MALL: variants seen among roughly 807,000 people sequenced by gnomAD.
MALL encodes mal, T cell differentiation protein like.
Under a neutral mutation model 10.3 loss-of-function variants are expected in MALL, and 2 were observed. The ratio of observed to expected loss-of-function variants is 0.19; its 90% CI spans 0.08 to 0.61. The LOEUF (loss-of-function observed/expected upper bound fraction) is 0.61. Ranked by LOEUF, MALL falls within the 20% of genes least tolerant of loss-of-function variation. The pLI, the probability that MALL is intolerant of heterozygous loss-of-function variation, is 0.88. For synonymous variants in MALL, 27 were observed against 51.8 expected, an observed-to-expected ratio of 0.52 and a Z score of 2.05; for missense variants, 39 against 115.2, an observed-to-expected ratio of 0.34 and a Z score of 3.03.
intron 1 of MALL, among the ~76,000 whole-genome samples, chr2:110,110,431 C>CT (rs1480833071): frequency 6.6e-6 from 1 of 152,036 alleles, no homozygotes; most frequent in Admixed American, 6.5e-5. Context: ...TTCAAGGCTG[C>CT]TAGGAACACC....
chr2:110,095,768 T>C (rs1045359336), intron 1 of MALL, among the ~76,000 whole-genome samples: 1 of 151,918 alleles, frequency 6.6e-6, no homozygotes, highest in African/African-American at 2.4e-5. Context: ...AAGAAAGGGC[T>C]GATACCAGGT....
At position 110,111,672 on chromosome 2, in the gene MALL, A is replaced by G. The variant is rs188913423; in HGVS notation, c.105+4016T>C. Among the ~76,000 whole-genome samples the G allele has an allele frequency of 3.9e-5, 6 of 152,284 alleles. No individual in the cohort carries two copies. In the East Asian group the frequency reaches 1.2e-3, roughly 29 times the overall value. On this transcript the variant is annotated intron_variant, in intron 1 of 3. Transcript: ENST00000272462. ...AACCATATTGCCAAAAGCAATCTAC[A>G]AATTCAATGCAATCCCCATCAGAAT...
intron 1 of MALL, among the ~76,000 whole-genome samples, chr2:110,114,493 C>T (rs778234303): frequency 6.6e-6 from 1 of 151,852 alleles, no homozygotes; most frequent in Non-Finnish European, 1.5e-5. Flanking sequence ...ACGTAGGACT[C>T]ATCAGAGCAC....
chr2:110,109,506 A>G (rs1678757764), intron 1 of MALL, among the ~76,000 whole-genome samples: 1 of 152,176 alleles, frequency 6.6e-6, no homozygotes, highest in African/African-American at 2.4e-5. Flanking sequence ...AAATTTCACA[A>G]TCCTAAACAT....
chr2:110,101,133 C>G (rs990071298), intron 1 of MALL, among the ~76,000 whole-genome samples: 2 of 152,122 alleles, frequency 1.3e-5, no homozygotes, highest in African/African-American at 4.8e-5. Flanking sequence ...GTCACTGGCC[C>G]TGCAGCCTCA....
rs573081751 is a variant in MALL at position 110,113,429 on chromosome 2, C to T, written c.105+2259G>A. Among the ~76,000 whole-genome samples, 37 of 110,214 alleles carry T rather than the reference C, an allele frequency of 3.4e-4. 1 individual carries two copies. The highest frequency in any genetic ancestry group is 1.2e-3 in the African/African-American group (33 of 27,570). 72.3% of individuals were successfully genotyped at this position (110,214 alleles called of 152,430 possible). On this transcript the variant is annotated intron_variant, in intron 1 of 3. Transcript: ENST00000272462. Reference sequence around the variant, plus strand: ...CTCCAGCCTGGACGACAGCGAGACTCTGTCTCAAAAAAAAAAAAAAAAAAA... The same window carrying T: ...CTCCAGCCTGGACGACAGCGAGACTTTGTCTCAAAAAAAAAAAAAAAAAAA...
chr2:110,104,412 G>A (rs1191210185), intron 1 of MALL, among the ~76,000 whole-genome samples: 1 of 152,066 alleles, frequency 6.6e-6, no homozygotes, highest in African/African-American at 2.4e-5. Flanking sequence ...GTTCTCCACC[G>A]CCCTCATTAC....
intron 1 of MALL, among the ~76,000 whole-genome samples, chr2:110,097,319 A>G (rs1678466695): frequency 6.6e-6 from 1 of 152,134 alleles, no homozygotes; most frequent in Non-Finnish European, 1.5e-5. Flanking sequence ...GGGGAAGCAG[A>G]ACCTCTTGGC....
chr2:110,112,448 G>C (rs865931884), intron 1 of MALL, among the ~76,000 whole-genome samples: 1 of 151,978 alleles, frequency 6.6e-6, no homozygotes, highest in Non-Finnish European at 1.5e-5. Flanking sequence ...ATTCTCAAAA[G>C]AAGATATACA....
Position 110,115,706 on chromosome 2 carries a change from G to A in MALL, c.87C>T (p.Ala29=). The part of the protein sequence containing the change: ...GVALFLTIPF[A]FFLPELIFGF... ...CACTCACCAGCTCGGGCAGGAAGAA[G>A]GCGAAAGGGATGGTGAGGAACAGCG... Residue 29 remains alanine, a synonymous_variant, in exon 1 of 4, where the codon GCC becomes GCT. Coordinates refer to ENST00000272462, the MANE Select transcript of MALL (RefSeq NM_005434.5). 2.3e-6 allele frequency: 3 copies of A among 1,289,730 alleles called. No individual in the cohort carries two copies. Among genetic ancestry groups the A allele is most frequent in the East Asian group, 2.9e-5 (1 of 34,088 alleles). The allele number at this position is 1,289,730 out of a possible 1,614,324, so 79.9% of individuals were successfully genotyped here. A position where few individuals can be genotyped will look rare whatever the true frequency, so the allele number is the denominator to read the frequency against.
chr2:110,098,811 T>G (rs1678500149), intron 1 of MALL, among the ~76,000 whole-genome samples: 1 of 152,040 alleles, frequency 6.6e-6, no homozygotes, highest in African/African-American at 2.4e-5. Flanking sequence ...AAAAGCAGCC[T>G]GGGCAACATG....
intron 1 of MALL, among the ~76,000 whole-genome samples, chr2:110,106,331 G>A (rs12104935): frequency 0.57 from 86,933 of 151,778 alleles, 25,854 homozygotes; most frequent in Non-Finnish European, 0.65. Flanking sequence ...GTAATGGCAT[G>A]GTCAGCCCCC....
intron 1 of MALL, among the ~76,000 whole-genome samples, chr2:110,102,720 C>T (rs1678598975): frequency 6.6e-6 from 1 of 152,160 alleles, no homozygotes; most frequent in South Asian, 2.1e-4. Flanking sequence ...TGCTCCATCA[C>T]CTCCCAGGCC....
intron 1 of MALL, among the ~76,000 whole-genome samples, chr2:110,100,440 T>G (rs1678538181): frequency 6.6e-6 from 1 of 151,040 alleles, no homozygotes; most frequent in South Asian, 2.1e-4. Flanking sequence ...ACCACTGTAC[T>G]CCAGCCTGGG....
Sources: allele counts gnomAD v4.1 joint callset (sites outside exome capture counted in the v4.1 genomes callset), GRCh38; gene constraint gnomAD v4.1.1; transcripts MANE v1.5; gene names NCBI Gene and HGNC (gene_info 2026-07-23, HGNC 2026-07-21).